Variants in SIGLEC1 observed in about 807,000 individuals in gnomAD.
The protein encoded by SIGLEC1 is sialoadhesin.
Under a neutral mutation model 148.0 loss-of-function variants are expected in SIGLEC1, and 132 were observed. That is an observed-to-expected ratio of 0.89 (90% CI 0.77 to 1.03). The LOEUF (loss-of-function observed/expected upper bound fraction) is 1.03, where lower values mean the gene tolerates loss of function less well. SIGLEC1 is among the 50% of genes least tolerant of loss of function. The pLI is 0.00. For synonymous variants in SIGLEC1, 945 were observed against 969.0 expected, an observed-to-expected ratio of 0.98 and a Z score of 0.46; for missense variants, 2,253 against 2,271.4, an observed-to-expected ratio of 0.99 and a Z score of 0.16.
intron 3 of SIGLEC1, 104 bp downstream of exon 3, chr20:3,706,243 G>C: frequency 6.8e-7 from 1 of 1,469,622 alleles, no homozygotes; most frequent in South Asian, 1.3e-5. Context: ...GGCTGAGACT[G>C]GCTGGGGTTA....
chr20:3,707,755 TG>T (rs1295175441), intron 1 of SIGLEC1, among the ~76,000 whole-genome samples: 5 of 152,256 alleles, frequency 3.3e-5, no homozygotes, highest in Non-Finnish European at 5.9e-5. Context: ...CCTCATTTCC[TG>T]CCCCCAGCTC....
Position 3,697,987 on chromosome 20 carries a change from T to TC in SIGLEC1, c.1932_1933insG (p.Thr645AspfsTer46). 1 of 1,611,698 alleles carries TC rather than the reference T, an allele frequency of 6.2e-7. No homozygotes were observed. The highest frequency in any genetic ancestry group is 8.5e-7 in the Non-Finnish European group (1 of 1,179,212). ...CAGCCACCCCCTGATGGCAGGGAAG[T>TC]GGCCACAACACGGTCCTTGTGGAGC... On this transcript the variant is annotated frameshift_variant, in exon 9 of 22. Coordinates refer to ENST00000344754, the MANE Select transcript of SIGLEC1 (RefSeq NM_023068.4). LOFTEE classifies it high-confidence loss of function.
rs1484691431 is a variant in SIGLEC1, at chr20:3,710,979, C to G, written c.-110+1491G>C. ...CCGCTCAGAAAGGAGATCTCTGTCC[C>G]TGTTTGAAAGCCTGGAGTTGAGGGG... On this transcript the variant is annotated intron_variant, in intron 1 of 21. Transcript: ENST00000344754. This position sits in a 1 kb window ranked among gnomAD's most constrained non-coding sequence, Gnocchi z 4.6. Among the ~76,000 whole-genome samples the G allele has an allele frequency of 1.3e-5, 2 of 152,250 alleles. No homozygotes were observed. The highest frequency in any genetic ancestry group is 4.8e-5 in the African/African-American group (2 of 41,466).
rs1251875678 is a variant in SIGLEC1, at chr20:3,695,113, G to C, written c.2684-190C>G. ...TCCTGCTCCCCACTCTCCTGCACAGGCTCCATCCTGGCATTTACCTCCCAC... is the reference window on the plus strand; with the variant it reads ...TCCTGCTCCCCACTCTCCTGCACAGCCTCCATCCTGGCATTTACCTCCCAC... On this transcript the variant is annotated intron_variant, in intron 11 of 21. Transcript: ENST00000344754. 3.3e-5 allele frequency among the ~76,000 whole-genome samples: 5 copies of C among 152,112 alleles called. No homozygotes were observed. The East Asian group carries it at 9.7e-4, about 29-fold the overall frequency.
rs752896379 is a variant in SIGLEC1, at chr20:3,696,588, C to G, written c.2681G>C (p.Arg894Pro). 1 of 1,603,902 alleles carries G rather than the reference C, an allele frequency of 6.2e-7. No individual in the cohort carries two copies. The highest frequency in any genetic ancestry group is 1.1e-5 in the South Asian group (1 of 89,738). ...SSNTSLFFQV[R>P]GAWVQVSPSP... ...ATCTTCAGAAGACTGACACTCACCT[C>G]GGACCTGGAAGAAGAGTGAGGTGTT... The change falls in exon 11 of 22, where the codon CGA becomes CCA. Residue 894 changes from arginine (R) to proline (P), a missense_variant and splice_region_variant. By Grantham distance (103) the Arg-to-Pro change is moderately radical. Transcript: ENST00000344754.
chr20:3,688,508 T>TCACATTCACATTCAACACTGCCTCATCA lies in SIGLEC1; in HGVS notation c.*51_*52insTGATGAGGCAGTGTTGAATGTGAATGTG. 3 of 1,416,452 alleles carry TCACATTCACATTCAACACTGCCTCATCA rather than the reference T, an allele frequency of 2.1e-6. No homozygotes were observed. Among genetic ancestry groups the TCACATTCACATTCAACACTGCCTCATCA allele is most frequent in the Non-Finnish European group, 2.9e-6 (3 of 1,022,888 alleles). The allele number at this position is 1,416,452 out of a possible 1,614,324, so 87.7% of individuals were successfully genotyped here. A position where few individuals can be genotyped will look rare whatever the true frequency, so the allele number is the denominator to read the frequency against. On this transcript the variant is annotated 3_prime_UTR_variant, in exon 22 of 22. Coordinates refer to ENST00000344754, the MANE Select transcript of SIGLEC1 (RefSeq NM_023068.4). Reference sequence around the variant, plus strand: ...CCTCATTCACATTCATAGGCTGGAGTCATCACAGATTCTGGCCACTTTCTC... The same window carrying TCACATTCACATTCAACACTGCCTCATCA: ...CCTCATTCACATTCATAGGCTGGAGTCACATTCACATTCAACACTGCCTCATCACATCACAGATTCTGGCCACTTTCTC...
chr20:3,704,221 A>G (rs1248824683), intron 4 of SIGLEC1, 130 bp from the exon 5 acceptor site: 7 of 848,974 alleles, frequency 8.2e-6, no homozygotes, highest in South Asian at 1.7e-5. Flanking sequence ...GTCCCCTTCA[A>G]TCCTCACCCA....
Position 3,710,151 on chromosome 20 carries a change from G to A in SIGLEC1, c.-110+2319C>T, listed in dbSNP as rs1205515886. Among the ~76,000 whole-genome samples, 1 of 152,164 alleles carries A rather than the reference G, an allele frequency of 6.6e-6. No homozygotes were observed. Among genetic ancestry groups the A allele is most frequent in the Non-Finnish European group, 1.5e-5 (1 of 68,030 alleles). ...CCAAGTGAACGAGGAGGCTGGAAGTGGGGACAGGAAACTCATGACCTCCCA... is the reference window on the plus strand; with the variant it reads ...CCAAGTGAACGAGGAGGCTGGAAGTAGGGACAGGAAACTCATGACCTCCCA... On this transcript the variant is annotated intron_variant, in intron 1 of 21. Transcript: ENST00000344754. This position sits in a 1 kb window ranked among gnomAD's most constrained non-coding sequence, Gnocchi z 4.6.
At position 3,692,551 on chromosome 20, in the gene SIGLEC1, T is replaced by C. The variant is rs757142151; in HGVS notation, c.4000A>G (p.Ser1334Gly). The C allele has an allele frequency of 5.4e-5, 86 of 1,605,198 alleles. No homozygotes were observed. Among genetic ancestry groups the C allele is most frequent in the Non-Finnish European group, 7.0e-5 (82 of 1,178,646 alleles). Residue 1334 changes from serine to glycine, a missense_variant, in exon 16 of 22, where the codon AGC becomes GGC. Physicochemically the swap from Ser to Gly is moderately conservative, Grantham distance 56. Coordinates refer to ENST00000344754, the MANE Select transcript of SIGLEC1 (RefSeq NM_023068.4). Reference protein sequence around the residue: ...CQAQDAQGTRSSRPAALQVLY... With the variant: ...CQAQDAQGTRGSRPAALQVLY... ...ACTTGCAGGGCAGCAGGACGGGAGC[T>C]GCGGGTGCCCTGGGCATCCTGGGCC...
chr20:3,692,506 G>C lies in SIGLEC1; in HGVS notation c.4030+15C>G, dbSNP rs766851629. ...CCTCCTCCTGGGCAGCCCTGGCCAAGGACCCTCTGCTCACAGAGGACTTGC... is the reference window on the plus strand; with the variant it reads ...CCTCCTCCTGGGCAGCCCTGGCCAACGACCCTCTGCTCACAGAGGACTTGC... On this transcript the variant is annotated intron_variant, in intron 16 of 21. Coordinates refer to ENST00000344754, the MANE Select transcript of SIGLEC1 (RefSeq NM_023068.4). 1.3e-5 allele frequency: 21 copies of C among 1,576,082 alleles called. No homozygotes were observed. The highest frequency in any genetic ancestry group is 8.6e-7 in the Non-Finnish European group (1 of 1,167,582).
rs775090662 is a variant in SIGLEC1, at chr20:3,693,626, C to A, written c.3329G>T (p.Trp1110Leu). 1 of 1,611,734 alleles carries A rather than the reference C, an allele frequency of 6.2e-7. No individual in the cohort carries two copies. Among genetic ancestry groups the A allele is most frequent in the Non-Finnish European group, 8.5e-7 (1 of 1,179,154 alleles). The change falls in exon 14 of 22, where the codon TGG becomes TTG. Residue 1110 changes from tryptophan to leucine, a missense_variant. Transcript: ENST00000344754. ...GQLVNLTCLV[W>L]TTHPAQLTYT... ...GGTGAGCTGGGCCGGGTGAGTGGTC[C>A]ACACAAGGCAGGTCAGGTTCACCAG...
chr20:3,707,874 T>C (rs2087907225), intron 1 of SIGLEC1, among the ~76,000 whole-genome samples: 1 of 152,260 alleles, frequency 6.6e-6, no homozygotes, highest in South Asian at 2.1e-4. Context: ...CTTTGCCTGC[T>C]GAAACCTTAT....
chr20:3,691,981 C>T lies in SIGLEC1; in HGVS notation c.4252G>A (p.Ala1418Thr), dbSNP rs759859836. Residue 1418 changes from alanine to threonine, a missense_variant, in exon 17 of 22, where the codon GCA becomes ACA. Transcript: ENST00000344754. ...GTGCAAACATAGGTGTCATCACCTG[C>T]AGGCACATCTTGCACCTGCAGCCGT... is the stretch of plus-strand genomic sequence containing the variant. ...ALRLQVQDVP[A>T]GDDTYVCTAQ... is the part of the protein sequence containing the mutation. The T allele has an allele frequency of 7.4e-6, 12 of 1,612,820 alleles. No homozygotes were observed. The South Asian group carries it at 1.2e-4, about 16-fold the overall frequency.
chr20:3,688,905 G>A (rs1180721374), intron 21 of SIGLEC1: 4 of 599,436 alleles, frequency 6.7e-6, no homozygotes, highest in Non-Finnish European at 1.2e-5. Context: ...TGGAAATGGA[G>A]GGGATGCTGC....
Position 3,694,819 on chromosome 20 carries a change from A to T in SIGLEC1, c.2788T>A (p.Trp930Arg), listed in dbSNP as rs770600435. 2 of 1,613,502 alleles carry T rather than the reference A, an allele frequency of 1.2e-6. No homozygotes were observed. Among genetic ancestry groups the T allele is most frequent in the Admixed American group, 3.3e-5 (2 of 60,022 alleles). ...TGGAGGGGCTGGCCATCCCGATACCAACGATATGAGGTCCCCTCTGGGACT... is the reference window on the plus strand; with the variant it reads ...TGGAGGGGCTGGCCATCCCGATACCTACGATATGAGGTCCCCTCTGGGACT... ...TGVPEGTSYR[W>R]YRDGQPLQES... is the part of the protein sequence containing the mutation. Residue 930 changes from tryptophan (W) to arginine (R), a missense_variant, in exon 12 of 22, where the codon TGG (tryptophan) becomes AGG (arginine). By Grantham distance (101) the Trp-to-Arg change is moderately radical. Coordinates refer to ENST00000344754, the MANE Select transcript of SIGLEC1 (RefSeq NM_023068.4).
At chr20:3,689,549 G>C in intron 20 of SIGLEC1, 51 bp downstream of exon 20, 1 of 1,292,688 alleles carries the variant, frequency 7.7e-7, no homozygotes, top group Non-Finnish European at 1.1e-6. Flanking sequence ...GAGAAGACGA[G>C]GTGGGCTGCC....
Position 3,696,860 on chromosome 20 carries a change from G to A in SIGLEC1, c.2409C>T (p.Ala803=). Residue 803 remains alanine (A), a synonymous_variant, in exon 11 of 22, where the codon GCC becomes GCT. Transcript: ENST00000344754. ...LYPPDRPKLS[A]LLDMGQGHMA... ...TGTGGCCCTGGCCCATGTCTAGGAG[G>A]GCTGACAGCTTTGGACGGTCCGGGG... 6.4e-7 allele frequency: 1 copy of A among 1,569,706 alleles called. No individual in the cohort carries two copies. Among genetic ancestry groups the A allele is most frequent in the Non-Finnish European group, 8.6e-7 (1 of 1,157,894 alleles).
At chr20:3,693,238 G>A in intron 14 of SIGLEC1, 107 bp from the exon 15 acceptor site, 3 of 1,318,664 alleles carry the variant, frequency 2.3e-6, no homozygotes, top group Non-Finnish European at 3.0e-6. Context: ...CACCCCTATG[G>A]CTCCCAACCA....
In SIGLEC1 at chr20:3,694,332, T is replaced by C. The variant is rs777463843; in HGVS notation, c.3145A>G (p.Thr1049Ala). 6.8e-6 allele frequency: 11 copies of C among 1,613,110 alleles called. No homozygotes were observed. The highest frequency in any genetic ancestry group is 1.1e-5 in the South Asian group (1 of 91,076). ...PRLHVAVAPN[T>A]LRLEIHGAML... ...GCCCCGTGGATCTCCAGACGCAGTG[T>C]GTTGGGGGCCACAGCCACATGCAGC... Residue 1049 changes from threonine (T) to alanine (A), a missense_variant, in exon 13 of 22, where the codon ACA becomes GCA. By Grantham distance (58) the Thr-to-Ala change is moderately conservative (BLOSUM62 0). Coordinates refer to ENST00000344754, the MANE Select transcript of SIGLEC1 (RefSeq NM_023068.4).
Sources: allele counts gnomAD v4.1 joint callset (sites outside exome capture counted in the v4.1 genomes callset), GRCh38; gene constraint gnomAD v4.1.1; non-coding constraint Gnocchi (gnomAD v3.1); transcripts MANE v1.5; gene names NCBI Gene and HGNC (gene_info 2026-07-23, HGNC 2026-07-21).